DDX1: variants seen among roughly 807,000 people sequenced by gnomAD.
DDX1 encodes the protein DEAD-box helicase 1.
DDX1 carries 28 observed loss-of-function variants against 108.7 expected under a neutral mutation model. That is an observed-to-expected ratio of 0.26 (90% CI 0.19 to 0.35). The LOEUF is 0.35. Among genes scored for constraint, DDX1 ranks in the 10% least tolerant of loss-of-function variants. The pLI, the probability that DDX1 is intolerant of heterozygous loss-of-function variation, is 1.00. For missense variants in DDX1, 710 were observed against 884.5 expected (o/e 0.80, Z 2.50); for synonymous variants, 295 against 288.9 (o/e 1.02, Z -0.21).
chr2:15,604,721 A>T (rs1665637604), intron 10 of DDX1, among the ~76,000 whole-genome samples: 1 of 152,198 alleles, frequency 6.6e-6, no homozygotes, highest in Admixed American at 6.5e-5. Flanking sequence ...GGGCTTACAC[A>T]CTAGTGGTGA....
intron 14 of DDX1, among the ~76,000 whole-genome samples, chr2:15,615,645 A>C (rs545767611): frequency 1.5e-3 from 234 of 152,338 alleles, no homozygotes; most frequent in African/African-American, 5.4e-3. Flanking sequence ...TCAAGTTAAA[A>C]GTTCTGTTTA....
At position 15,628,634 on chromosome 2, in the gene DDX1, A is replaced by G. The variant is rs777868869; in HGVS notation, c.1760-4A>G. 4 of 1,608,636 alleles carry G rather than the reference A, an allele frequency of 2.5e-6. No homozygotes were observed. Among genetic ancestry groups the G allele is most frequent in the Admixed American group, 1.7e-5 (1 of 59,402 alleles). ...CAATTGTTAATAATGGTTTTTATTT[A>G]TAGTTATAAATGTCACTCTGCCCGA... On this transcript the variant is annotated splice_region_variant and splice_polypyrimidine_tract_variant and intron_variant, in intron 21 of 25. Coordinates refer to ENST00000233084, the MANE Select transcript of DDX1 (RefSeq NM_004939.3).
chr2:15,619,388 G>A (rs535019530), intron 16 of DDX1, among the ~76,000 whole-genome samples: 2 of 152,232 alleles, frequency 1.3e-5, no homozygotes, highest in East Asian at 1.9e-4. Context: ...GCCCAGCTTC[G>A]CGAAGGTTGG....
intron 19 of DDX1, among the ~76,000 whole-genome samples, chr2:15,624,535 C>T (rs1666066779): frequency 6.6e-6 from 1 of 152,104 alleles, no homozygotes; most frequent in Non-Finnish European, 1.5e-5. Flanking sequence ...GTAGGAAAAG[C>T]CCCTTATAAA....
At chr2:15,598,078 T>C (rs1398835556) in intron 5 of DDX1, among the ~76,000 whole-genome samples, 1 of 152,184 alleles carries the variant, frequency 6.6e-6, no homozygotes, top group Non-Finnish European at 1.5e-5. Context: ...TTTCTAAATT[T>C]CATTCTATCT....
At chr2:15,610,456 G>A (rs1301078639) in intron 13 of DDX1, among the ~76,000 whole-genome samples, 1 of 152,298 alleles carries the variant, frequency 6.6e-6, no homozygotes, top group Admixed American at 6.5e-5. Flanking sequence ...ATGAGAAAGG[G>A]TTTTAACTTC....
chr2:15,624,368 A>G (rs1232649666), intron 19 of DDX1, among the ~76,000 whole-genome samples: 2 of 152,200 alleles, frequency 1.3e-5, no homozygotes, highest in African/African-American at 2.4e-5. Context: ...TCGAGAATGT[A>G]AACTGTATTA....
chr2:15,622,068 C>T (rs1418315211), intron 18 of DDX1, among the ~76,000 whole-genome samples: 1 of 152,184 alleles, frequency 6.6e-6, no homozygotes, highest in African/African-American at 2.4e-5. Flanking sequence ...TTTCTCATAT[C>T]AGGAATATTG....
Position 15,620,068 on chromosome 2 carries a change from A to C in DDX1, c.1207-140A>C, listed in dbSNP as rs1665970447. ...TTAACCTGCCCAAAGTCATAACTCT[A>C]GTTGTCGCTACATAGAGTAAGGTGT... On this transcript the variant is annotated intron_variant, in intron 16 of 25. Coordinates refer to ENST00000233084, the MANE Select transcript of DDX1 (RefSeq NM_004939.3). The C allele has an allele frequency of 1.3e-5, 9 of 707,060 alleles. No individual in the cohort carries two copies. In the East Asian group the frequency reaches 2.5e-4, roughly 19 times the overall value. 43.8% of individuals were successfully genotyped at this position (707,060 alleles called of 1,614,324 possible).
chr2:15,625,974 CTA>C (rs1228219273), intron 19 of DDX1, among the ~76,000 whole-genome samples: 1 of 151,458 alleles, frequency 6.6e-6, no homozygotes, highest in African/African-American at 2.4e-5. Context: ...TTCTTCCTGT[CTA>C]TGTTTTGAAT....
intron 1 of DDX1, among the ~76,000 whole-genome samples, chr2:15,592,232 C>A (rs1023359730): frequency 1.3e-5 from 2 of 152,354 alleles, no homozygotes; most frequent in African/African-American, 2.4e-5. Context: ...CCTTCGGCTG[C>A]AAAATCTAGG....
chr2:15,594,887 C>A (rs1050751268), intron 1 of DDX1, among the ~76,000 whole-genome samples: 13 of 152,140 alleles, frequency 8.5e-5, no homozygotes, highest in Non-Finnish European at 1.3e-4. Context: ...GCAAGGTAGG[C>A]AATATCAGCC....
intron 10 of DDX1, among the ~76,000 whole-genome samples, chr2:15,604,774 T>TTTG (rs1392780749): frequency 3.9e-5 from 6 of 152,084 alleles, no homozygotes; most frequent in Admixed American, 6.6e-5. Context: ...GTAAGTGCTG[T>TTTG]GAAGGAGGGT....
chr2:15,614,517 T>C (rs1665859882), intron 14 of DDX1, among the ~76,000 whole-genome samples: 1 of 152,232 alleles, frequency 6.6e-6, no homozygotes, highest in South Asian at 2.1e-4. Flanking sequence ...TATAATGGTA[T>C]TGGAAGGCGG....
At chr2:15,614,876 C>G (rs1442262980) in intron 14 of DDX1, among the ~76,000 whole-genome samples, 1 of 152,202 alleles carries the variant, frequency 6.6e-6, no homozygotes, top group Non-Finnish European at 1.5e-5. Flanking sequence ...TCCTCAAACC[C>G]ATTTTTCCCA....
intron 18 of DDX1, among the ~76,000 whole-genome samples, chr2:15,622,228 T>A (rs1666024019): frequency 6.6e-6 from 1 of 152,246 alleles, no homozygotes; most frequent in South Asian, 2.1e-4. Context: ...TGGCATTAAG[T>A]ACATTCATAT....
chr2:15,615,365 T>C (rs916581672), intron 14 of DDX1, among the ~76,000 whole-genome samples: 4 of 152,328 alleles, frequency 2.6e-5, no homozygotes, highest in African/African-American at 9.6e-5. Flanking sequence ...CTTTACCTGC[T>C]GAAATTCGGA....
Position 15,630,042 on chromosome 2 carries a change from C to T in DDX1, c.2024C>T (p.Pro675Leu), listed in dbSNP as rs753819618. Residue 675 changes from proline to leucine, a missense_variant, in exon 25 of 26, where the codon CCG (proline) becomes CTG (leucine). By Grantham distance (98) the Pro-to-Leu change is moderately conservative. Around this residue, in one of 3 missense-constraint regions of DDX1, gnomAD observed 661 missense variants for 810.2 expected, o/e 0.82. Transcript: ENST00000233084. ...AACTGTACCATTTCTCAGGTTGAGCCGGATATAAAGGTACCAGTGGATGAA... is the reference window on the plus strand; with the variant it reads ...AACTGTACCATTTCTCAGGTTGAGCTGGATATAAAGGTACCAGTGGATGAA... ...HLNCTISQVE[P>L]DIKVPVDEFD... 40 of 1,612,722 alleles carry T rather than the reference C, an allele frequency of 2.5e-5. No homozygotes were observed. The highest frequency in any genetic ancestry group is 1.6e-4 in the Middle Eastern group (1 of 6,076).
chr2:15,608,304 G>A (rs1016036229), intron 13 of DDX1, among the ~76,000 whole-genome samples: 5 of 152,062 alleles, frequency 3.3e-5, no homozygotes, highest in Non-Finnish European at 5.9e-5. Flanking sequence ...CGAGGTGGGC[G>A]GTCACCTGAG....
Sources: gnomAD v4.1 joint callset for allele counts (sites outside exome capture counted in the v4.1 genomes callset) on GRCh38, gnomAD v4.1.1 for gene constraint, gnomAD v4.1.1 regional missense constraint, MANE v1.5 for transcripts, NCBI Gene and HGNC (gene_info 2026-07-23, HGNC 2026-07-21) for gene names.